Variants in ABL2 observed in about 807,000 individuals in gnomAD.
ABL2 encodes the protein ABL proto-oncogene 2, non-receptor tyrosine kinase.
A neutral mutation model predicts 107.7 loss-of-function variants in ABL2; 49 were observed. The observed-to-expected ratio is 0.45, with a 90% CI of 0.36 to 0.58. ABL2 has a LOEUF of 0.58. Among genes scored for constraint, ABL2 ranks in the 20% least tolerant of loss-of-function variants. The pLI is 0.00. For synonymous variants in ABL2, 549 were observed against 548.6 expected, an observed-to-expected ratio of 1.00 and a Z score of -0.01; for missense variants, 1,245 against 1,457.0, an observed-to-expected ratio of 0.85 and a Z score of 2.37.
intron 1 of ABL2, among the ~76,000 whole-genome samples, chr1:179,155,447 C>T (rs1658624179): frequency 6.6e-6 from 1 of 152,076 alleles, no homozygotes; most frequent in South Asian, 2.1e-4. Context: ...TTATACAGCT[C>T]GGCCAGGCGC....
At chr1:179,121,554 A>C (rs747005166) in intron 5 of ABL2, 41 bp downstream of exon 5, 24 of 1,590,816 alleles carry the variant, frequency 1.5e-5, no homozygotes, top group Non-Finnish European at 2.1e-5. Flanking sequence ...TTGAGCACAA[A>C]AGAAAAAGAT....
chr1:179,172,745 C>G (rs1659794877), intron 1 of ABL2, among the ~76,000 whole-genome samples: 3 of 152,142 alleles, frequency 2.0e-5, no homozygotes, highest in Admixed American at 2.0e-4. Context: ...CCTATTCTAT[C>G]CCTCTTATAA....
chr1:179,140,987 G>A (rs1331012945), intron 1 of ABL2, among the ~76,000 whole-genome samples: 2 of 151,940 alleles, frequency 1.3e-5, no homozygotes, highest in Non-Finnish European at 2.9e-5. Context: ...GTGGTGGCGG[G>A]TGCCTGTAAT....
Position 179,229,555 on chromosome 1 carries a change from A to T in ABL2, c.-158T>A. ...CGGCGGCTCCGCACCCGGCCTCCTCACGGCAGCCGCCGCGCTGCCTCCAGG... is the reference window on the plus strand; with the variant it reads ...CGGCGGCTCCGCACCCGGCCTCCTCTCGGCAGCCGCCGCGCTGCCTCCAGG... On this transcript the variant is annotated 5_prime_UTR_variant, in exon 1 of 12. Transcript: ENST00000502732. 1.5e-6 allele frequency: 1 copy of T among 672,524 alleles called. No homozygotes were observed. The highest frequency in any genetic ancestry group is 2.2e-6 in the Non-Finnish European group (1 of 446,798). The allele number at this position is 672,524 out of a possible 1,614,324, so 41.7% of individuals were successfully genotyped here.
intron 1 of ABL2, among the ~76,000 whole-genome samples, chr1:179,139,441 T>C (rs1339372779): frequency 6.6e-6 from 1 of 152,124 alleles, no homozygotes; most frequent in Non-Finnish European, 1.5e-5. Context: ...CACGCCACCT[T>C]AAGAGCTGTA....
Position 179,115,739 on chromosome 1 carries a change from A to G in ABL2, c.1409-709T>C, listed in dbSNP as rs182132260. On this transcript the variant is annotated intron_variant, in intron 8 of 11. Coordinates refer to ENST00000502732, the MANE Select transcript of ABL2 (RefSeq NM_007314.4). ...AGGAGAACCACTGTATCTAAGAAGC[A>G]TAACAGTTTTAAAGTCAGCTAATAC... Among the ~76,000 whole-genome samples, 26 of 152,370 alleles carry G rather than the reference A, an allele frequency of 1.7e-4. 1 individual carries two copies. Among genetic ancestry groups the G allele is most frequent in the Admixed American group, 1.2e-3 (19 of 15,300 alleles).
intron 1 of ABL2, among the ~76,000 whole-genome samples, chr1:179,144,288 A>T (rs1471084423): frequency 2.0e-5 from 3 of 151,728 alleles, no homozygotes; most frequent in Admixed American, 1.3e-4. Flanking sequence ...GTGAAACCCC[A>T]CCTCTACAAA....
At position 179,126,760 on chromosome 1, in the gene ABL2, TAA is replaced by T. The variant is rs375116317; in HGVS notation, c.392-90_392-89del. 272 of 993,244 alleles carry T rather than the reference TAA, an allele frequency of 2.7e-4. No individual in the cohort carries two copies. Among genetic ancestry groups the T allele is most frequent in the South Asian group, 4.4e-4 (16 of 36,324 alleles). The allele number at this position is 993,244 out of a possible 1,614,324, so 61.5% of individuals were successfully genotyped here. ...GTGTACTGTCAAACTTTAAACTCAT[TAA>T]AAAAAAAAAAGAATCTAGAACTTTT... On this transcript the variant is annotated intron_variant, in intron 3 of 11. Coordinates refer to ENST00000502732, the MANE Select transcript of ABL2 (RefSeq NM_007314.4). This position sits in a 1 kb window ranked among gnomAD's most constrained non-coding sequence, Gnocchi z 4.4.
chr1:179,117,063 C>T (rs1169414419), intron 8 of ABL2: 1 of 439,210 alleles, frequency 2.3e-6, no homozygotes, highest in African/African-American at 2.0e-5. Context: ...GTCTCGAACT[C>T]TTGACCTCAA....
chr1:179,211,243 C>T (rs770972100), intron 1 of ABL2, among the ~76,000 whole-genome samples: 1 of 152,136 alleles, frequency 6.6e-6, no homozygotes, highest in Admixed American at 6.6e-5. Context: ...TTAGGCTGGA[C>T]CTGCTGGCTC....
intron 1 of ABL2, among the ~76,000 whole-genome samples, chr1:179,140,769 C>T (rs1048895617): frequency 3.3e-5 from 5 of 152,200 alleles, no homozygotes; most frequent in African/African-American, 1.2e-4. Context: ...CACAGTAGCT[C>T]ATGCCTATAA....
intron 1 of ABL2, among the ~76,000 whole-genome samples, chr1:179,205,730 ATTG>A (rs2102855554): frequency 6.6e-6 from 1 of 152,292 alleles, no homozygotes; most frequent in Admixed American, 6.5e-5. Flanking sequence ...GGTAAGGGGG[ATTG>A]TTGTTGTGGA....
At chr1:179,188,010 T>C (rs1660772093) in intron 1 of ABL2, among the ~76,000 whole-genome samples, 1 of 152,184 alleles carries the variant, frequency 6.6e-6, no homozygotes, top group African/African-American at 2.4e-5. Flanking sequence ...TTACTTTCTT[T>C]TTCCTCTTAT....
At chr1:179,144,276 C>T (rs1231192693) in intron 1 of ABL2, among the ~76,000 whole-genome samples, 4 of 151,828 alleles carry the variant, frequency 2.6e-5, no homozygotes, top group African/African-American at 7.3e-5. Context: ...CTGGCTAACA[C>T]AGTGAAACCC....
intron 1 of ABL2, among the ~76,000 whole-genome samples, chr1:179,225,770 G>A (rs974323512): frequency 2.6e-5 from 4 of 152,020 alleles, no homozygotes; most frequent in East Asian, 1.9e-4. Context: ...GGCCGGAAGC[G>A]GTGGCTCATG....
chr1:179,121,689 G>GT lies in ABL2; in HGVS notation c.865dup (p.Thr289AsnfsTer55). 1 of 1,614,094 alleles carries GT rather than the reference G, an allele frequency of 6.2e-7. No homozygotes were observed. The highest frequency in any genetic ancestry group is 8.5e-7 in the Non-Finnish European group (1 of 1,180,014). On this transcript the variant is annotated frameshift_variant, in exon 5 of 12. Coordinates refer to ENST00000502732, the MANE Select transcript of ABL2 (RefSeq NM_007314.4). LOFTEE classifies it high-confidence loss of function. ...ACCGCCCCCAAGTTTGTGCTTCATGGTAATATCTGTTCGCTCCATTTCCCA... is the reference window on the plus strand; with the variant it reads ...ACCGCCCCCAAGTTTGTGCTTCATGGTTAATATCTGTTCGCTCCATTTCCCA...
chr1:179,152,698 T>C (rs1040414537), intron 1 of ABL2, among the ~76,000 whole-genome samples: 3 of 152,230 alleles, frequency 2.0e-5, no homozygotes, highest in African/African-American at 7.2e-5. Context: ...TTGTGAGTAG[T>C]AGCAGCACAA....
chr1:179,108,514 T>C lies in ABL2; in HGVS notation c.2753A>G (p.Lys918Arg). The C allele has an allele frequency of 6.2e-6, 10 of 1,614,162 alleles. No individual in the cohort carries two copies. The highest frequency in any genetic ancestry group is 8.5e-6 in the Non-Finnish European group (10 of 1,180,020). Residue 918 changes from lysine to arginine, a missense_variant, in exon 12 of 12, where the codon AAG becomes AGG. This residue lies in a region of ABL2 where 761 missense variants were observed against 766.4 expected (regional missense o/e 0.99). Transcript: ENST00000502732. ...GEQPGWPSPAKAAPVLPTTHN... is the reference protein window; with the variant it reads ...GEQPGWPSPARAAPVLPTTHN... ...AGTGGTTGGGAGGACGGGGGCAGCC[T>C]TGGCTGGAGAAGGCCAGCCCGGCTG...
At chr1:179,171,809 C>A (rs1207838546) in intron 1 of ABL2, among the ~76,000 whole-genome samples, 1 of 152,210 alleles carries the variant, frequency 6.6e-6, no homozygotes, top group East Asian at 1.9e-4. Flanking sequence ...CCATGACTAG[C>A]CTGACTTTTC....
Sources: gnomAD v4.1 joint callset for allele counts (sites outside exome capture counted in the v4.1 genomes callset) on GRCh38, gnomAD v4.1.1 for gene constraint, gnomAD v4.1.1 regional missense constraint, Gnocchi (gnomAD v3.1) non-coding constraint, MANE v1.5 for transcripts, NCBI Gene and HGNC (gene_info 2026-07-23, HGNC 2026-07-21) for gene names.